Variants in THEMIS observed in about 807,000 individuals in gnomAD.
THEMIS encodes protein THEMIS.
A neutral mutation model predicts 52.6 loss-of-function variants in THEMIS; 37 were observed. That is an observed-to-expected ratio of 0.70 (90% CI 0.54 to 0.93). THEMIS has a LOEUF of 0.93. THEMIS is among the 40% of genes least tolerant of loss of function. The pLI, the probability that THEMIS is intolerant of heterozygous loss-of-function variation, is 0.00. For synonymous variants in THEMIS, 292 were observed against 272.7 expected (o/e 1.07, Z -0.70); for missense variants, 808 against 763.1 (o/e 1.06, Z -0.69).
chr6:127,892,534 G>T (rs1018552296), intron 1 of THEMIS, among the ~76,000 whole-genome samples: 1 of 152,038 alleles, frequency 6.6e-6, no homozygotes, highest in Non-Finnish European at 1.5e-5. Flanking sequence ...TGTAATTCTA[G>T]ACCCTTTGAC....
chr6:127,710,165 A>AT, intron 5 of THEMIS, 149 bp from the exon 6 acceptor site: 19 of 512,794 alleles, frequency 3.7e-5, no homozygotes, highest in Non-Finnish European at 3.7e-5. Context: ...AGCAAAATAA[A>AT]GAAAAAAAAA....
At chr6:127,706,878 A>T (rs1344429732), downstream of THEMIS, among the ~76,000 whole-genome samples, 1 of 152,094 alleles carries the variant, frequency 6.6e-6, no homozygotes, top group African/African-American at 2.4e-5. Context: ...TAGCCCTGGC[A>T]TGGTTGATGA....
chr6:127,870,489 CT>C (rs1780123940), intron 1 of THEMIS, among the ~76,000 whole-genome samples: 2 of 152,128 alleles, frequency 1.3e-5, no homozygotes, highest in East Asian at 1.9e-4. Context: ...GAGATGTAAG[CT>C]TTGCCATATC....
At chr6:127,895,987 C>G (rs1191368564) in intron 1 of THEMIS, among the ~76,000 whole-genome samples, 1 of 151,282 alleles carries the variant, frequency 6.6e-6, no homozygotes, top group Admixed American at 6.6e-5. Flanking sequence ...AAGCCAAATT[C>G]AGTGAAATAT....
At chr6:127,704,102 A>G (rs1220279910), downstream of THEMIS, among the ~76,000 whole-genome samples, 2 of 152,188 alleles carry the variant, frequency 1.3e-5, no homozygotes, top group Non-Finnish European at 2.9e-5. Flanking sequence ...TTTTAATATT[A>G]TCACATTGAG....
Position 127,709,842 on chromosome 6 carries a change from T to C in THEMIS, c.*143A>G. ...TGTAAGTTTTATCTGTTAAAAGTTT[T>C]AAGGTTGTTCTTTCCTTTGCAGCGA... On this transcript the variant is annotated 3_prime_UTR_variant, in exon 6 of 6. Transcript: ENST00000368248. The C allele has an allele frequency of 2.9e-6, 2 of 681,118 alleles. No individual in the cohort carries two copies. Among genetic ancestry groups the C allele is most frequent in the Non-Finnish European group, 4.9e-6 (2 of 406,700 alleles). The allele number at this position is 681,118 out of a possible 1,614,324, so 42.2% of individuals were successfully genotyped here.
At chr6:127,885,018 A>G (rs1216410804) in intron 1 of THEMIS, among the ~76,000 whole-genome samples, 2 of 152,014 alleles carry the variant, frequency 1.3e-5, no homozygotes, top group Non-Finnish European at 2.9e-5. Flanking sequence ...TAACCTAATC[A>G]CTTCCTTAGA....
At chr6:127,746,588 C>T (rs1370187316) in intron 4 of THEMIS, among the ~76,000 whole-genome samples, 2 of 145,130 alleles carry the variant, frequency 1.4e-5, no homozygotes, top group Non-Finnish European at 3.0e-5. Context: ...CAAGGGTACA[C>T]TATATATTGT....
chr6:127,913,049 T>A (rs1166297140), intron 1 of THEMIS, among the ~76,000 whole-genome samples: 1 of 152,196 alleles, frequency 6.6e-6, no homozygotes, highest in African/African-American at 2.4e-5. Flanking sequence ...GGGGTCTGAC[T>A]AGGATATTTT....
At chr6:127,900,049 T>C (rs1781091797) in intron 1 of THEMIS, among the ~76,000 whole-genome samples, 1 of 151,590 alleles carries the variant, frequency 6.6e-6, no homozygotes, top group Non-Finnish European at 1.5e-5. Context: ...ATTTTCCTGG[T>C]AGTTTTGTCT....
At chr6:127,896,038 C>A (rs1583406359) in intron 1 of THEMIS, among the ~76,000 whole-genome samples, 1 of 150,990 alleles carries the variant, frequency 6.6e-6, no homozygotes, top group African/African-American at 2.4e-5. Flanking sequence ...GCATGTTTAA[C>A]ACTTTTTAAT....
intron 2 of THEMIS, among the ~76,000 whole-genome samples, chr6:127,851,056 G>A (rs776436602): frequency 6.6e-5 from 10 of 151,282 alleles, no homozygotes; most frequent in Non-Finnish European, 1.2e-4. Context: ...AATAGATAAC[G>A]TAAATCAAAT....
intron 4 of THEMIS, among the ~76,000 whole-genome samples, chr6:127,759,044 T>C (rs1775929880): frequency 6.6e-6 from 1 of 152,152 alleles, no homozygotes; most frequent in Admixed American, 6.5e-5. Context: ...TATTTTGAAA[T>C]GGCTGTGTAT....
chr6:127,887,677 A>G (rs915255960), intron 1 of THEMIS, among the ~76,000 whole-genome samples: 28 of 152,166 alleles, frequency 1.8e-4, no homozygotes, highest in African/African-American at 5.3e-4. Flanking sequence ...AAAGCAGATC[A>G]GTTGTTGCCT....
chr6:127,787,904 GATAGATAGATAGATAA>G, intron 4 of THEMIS, among the ~76,000 whole-genome samples: 1 of 149,462 alleles, frequency 6.7e-6, no homozygotes, highest in South Asian at 2.1e-4. Context: ...TAGATAGATA[GATAGATAGATAGATAA>G]ATAGATGCTC....
chr6:127,771,085 A>G (rs1776369683), intron 4 of THEMIS, among the ~76,000 whole-genome samples: 1 of 152,216 alleles, frequency 6.6e-6, no homozygotes, highest in African/African-American at 2.4e-5. Context: ...CTCAGGATAC[A>G]AAATCACTGC....
At chr6:127,727,797 G>A (rs139011665) in intron 4 of THEMIS, among the ~76,000 whole-genome samples, 96 of 152,098 alleles carry the variant, frequency 6.3e-4, no homozygotes, top group African/African-American at 2.2e-3. Flanking sequence ...GTGAATAGGT[G>A]CCCCACATAG....
At chr6:127,699,905 ATTTTTT>A in the THEMIS span, among the ~76,000 whole-genome samples, 1 of 151,858 alleles carries the variant, frequency 6.6e-6, no homozygotes, top group East Asian at 1.9e-4. Context: ...TTGGGCAAAT[ATTTTTT>A]TAAATATGAC....
intron 1 of THEMIS, among the ~76,000 whole-genome samples, chr6:127,915,674 G>A (rs779728438): frequency 9.9e-5 from 15 of 151,910 alleles, no homozygotes; most frequent in African/African-American, 2.4e-4. Context: ...GAAACTTCTC[G>A]GGTAGAAGCA....
Sources: gnomAD v4.1 joint callset for allele counts (sites outside exome capture counted in the v4.1 genomes callset) on GRCh38, gnomAD v4.1.1 for gene constraint, MANE v1.5 for transcripts, NCBI Gene and HGNC (gene_info 2026-07-23, HGNC 2026-07-21) for gene names.